The following GBA1 variants were observed in gnomAD, a reference collection of about 807,000 sequenced individuals.
GBA1 encodes the protein glucosylceramidase beta 1.
At chr1:155,242,136 AG>A in the GBA1 span, among the ~76,000 whole-genome samples, 2 of 152,322 alleles carry the variant, frequency 1.3e-5, no homozygotes, top group South Asian at 4.1e-4. Flanking sequence ...ACAACCTCAA[AG>A]GGTGGTTACT....
At chr1:155,241,144 A>C in the GBA1 span, 1 of 1,610,688 alleles carries the variant, frequency 6.2e-7, no homozygotes, top group South Asian at 1.1e-5. Context: ...AGAGAAGACC[A>C]CAGGGGTTCC....
the GBA1 span, chr1:155,238,095 G>A: frequency 6.2e-7 from 1 of 1,604,210 alleles, no homozygotes; most frequent in Non-Finnish European, 8.5e-7. Context: ...GGCTAAATGG[G>A]AGGCCAGTCC....
chr1:155,236,775 A>ATGTG, the GBA1 span, among the ~76,000 whole-genome samples: 1 of 150,916 alleles, frequency 6.6e-6, no homozygotes, highest in Admixed American at 6.6e-5. Flanking sequence ...GTGTGTATGT[A>ATGTG]TGTGTGTGTG....
At chr1:155,235,864 A>G in the GBA1 span, 4 of 1,614,266 alleles carry the variant, frequency 2.5e-6, no homozygotes, top group East Asian at 8.9e-5. Context: ...GGACAAAGGC[A>G]AAGAGACAAA....
chr1:155,240,617 T>C, the GBA1 span: 4 of 1,609,952 alleles, frequency 2.5e-6, no homozygotes, highest in Non-Finnish European at 3.4e-6. Context: ...CCCCACTGCC[T>C]TGACTCACTC....
At chr1:155,238,173 C>G in the GBA1 span, 1 of 1,614,186 alleles carries the variant, frequency 6.2e-7, no homozygotes, top group Non-Finnish European at 8.5e-7. Context: ...GTAGATGTCT[C>G]CGGGCTGTCC....
At chr1:155,236,514 C>G in the GBA1 span, 3 of 1,459,866 alleles carry the variant, frequency 2.1e-6, no homozygotes, top group Admixed American at 5.2e-5. Flanking sequence ...ACACAGGCTT[C>G]TGGAACTTCT....
chr1:155,236,126 T>G, the GBA1 span: 2 of 906,394 alleles, frequency 2.2e-6, no homozygotes, highest in African/African-American at 3.3e-5. Context: ...TCCCCAGAGT[T>G]GCTCAAAAGG....
At chr1:155,235,967 C>T in the GBA1 span, 2 of 1,119,442 alleles carry the variant, frequency 1.8e-6, no homozygotes, top group East Asian at 4.8e-5. Flanking sequence ...GGGCACATTC[C>T]TTAGTAGCTA....
chr1:155,236,127 G>T, the GBA1 span: 4 of 915,612 alleles, frequency 4.4e-6, no homozygotes, highest in Non-Finnish European at 7.1e-6. Context: ...CCCCAGAGTT[G>T]CTCAAAAGGG....
chr1:155,241,243 T>A, the GBA1 span: 2 of 825,880 alleles, frequency 2.4e-6, no homozygotes, highest in Non-Finnish European at 4.2e-6. Flanking sequence ...GCCCTGCAAG[T>A]AATTCCGGCT....
At chr1:155,239,369 A>G in the GBA1 span, among the ~76,000 whole-genome samples, 2 of 152,092 alleles carry the variant, frequency 1.3e-5, no homozygotes, top group Non-Finnish European at 2.9e-5. Context: ...GTCTCTACTA[A>G]AAATACAAAA....
chr1:155,237,561 G>A, the GBA1 span: 1 of 1,613,804 alleles, frequency 6.2e-7, no homozygotes, highest in Non-Finnish European at 8.5e-7. Flanking sequence ...CTTGTGCTCA[G>A]CATAGGCATC....
chr1:155,236,452 T>G, the GBA1 span: 1 of 1,614,024 alleles, frequency 6.2e-7, no homozygotes. Flanking sequence ...ATTTAGCTGC[T>G]TCTGGGTCTG....
chr1:155,241,296 G>A, the GBA1 span: 1 of 655,426 alleles, frequency 1.5e-6, no homozygotes, highest in African/African-American at 1.8e-5. Context: ...AGCGTCACAT[G>A]ACACAGGAAG....
chr1:155,238,167 A>T, the GBA1 span: 1 of 1,614,096 alleles, frequency 6.2e-7, no homozygotes. Context: ...CTGGTGGTAG[A>T]TGTCTCCGGG....
At chr1:155,244,012 TCCAC>T in the GBA1 span, 1 of 152,258 alleles carries the variant, frequency 6.6e-6, no homozygotes, top group African/African-American at 2.4e-5. Flanking sequence ...TTCTTCCCAC[TCCAC>T]CCCTCAAAAA....
the GBA1 span, among the ~76,000 whole-genome samples, chr1:155,236,015 G>C: frequency 6.6e-6 from 1 of 152,128 alleles, no homozygotes; most frequent in Non-Finnish European, 1.5e-5. Flanking sequence ...ATCTCAAGGG[G>C]AGCTGAGAAG....
the GBA1 span, among the ~76,000 whole-genome samples, chr1:155,242,440 C>T: frequency 6.6e-6 from 1 of 151,670 alleles, no homozygotes; most frequent in Non-Finnish European, 1.5e-5. Context: ...CCAGGCTGGT[C>T]TGAAACTCTG....
Sources: allele counts gnomAD v4.1 joint callset (sites outside exome capture counted in the v4.1 genomes callset), GRCh38; gene constraint gnomAD v4.1.1; transcripts MANE v1.5; gene names NCBI Gene and HGNC (gene_info 2026-07-23, HGNC 2026-07-21).